DNAH5: variants seen among roughly 807,000 people sequenced by gnomAD.
DNAH5 encodes the protein axonemal beta dynein heavy chain 5.
DNAH5 carries 372 observed loss-of-function variants against 518.2 expected under a neutral mutation model. The ratio of observed to expected loss-of-function variants is 0.72; its 90% CI spans 0.66 to 0.78. The LOEUF (loss-of-function observed/expected upper bound fraction) is 0.78, where lower values mean the gene tolerates loss of function less well. Among genes scored for constraint, DNAH5 ranks in the 30% least tolerant of loss-of-function variants. DNAH5 has a pLI of 0.00. For synonymous variants in DNAH5, 2,039 were observed against 2,025.9 expected (o/e 1.01, Z -0.17); for missense variants, 5,523 against 5,687.0 (o/e 0.97, Z 0.93).
intron 68 of DNAH5, among the ~76,000 whole-genome samples, chr5:13,732,120 CA>C (rs34028417): frequency 0.038 from 4,753 of 124,814 alleles, 171 homozygotes; most frequent in African/African-American, 0.11. Flanking sequence ...ACTCTGTCTT[CA>C]AAAAAAAAAA....
intron 44 of DNAH5, among the ~76,000 whole-genome samples, chr5:13,811,170 T>C (rs1314433272): frequency 1.3e-5 from 2 of 152,190 alleles, no homozygotes; most frequent in Admixed American, 1.3e-4. Flanking sequence ...TTGTTGTGCA[T>C]TTTAGAGTAA....
Position 13,944,376 on chromosome 5 carries a change from CCTTACCGTT to C in DNAH5, c.54_57+5del. The C allele has an allele frequency of 1.2e-6, 2 of 1,613,722 alleles. No homozygotes were observed. The highest frequency in any genetic ancestry group is 1.7e-6 in the Non-Finnish European group (2 of 1,179,782). Reference sequence around the variant, plus strand: ...ACATGCAAAGGTACAGACAACAGCACCTTACCGTTAAAACTCGAGTGACGCTATGCTTCC... The same window carrying C: ...ACATGCAAAGGTACAGACAACAGCACAAAACTCGAGTGACGCTATGCTTCC... On this transcript the variant is annotated splice_donor_variant and splice_donor_5th_base_variant and coding_sequence_variant and intron_variant, in exon 1 of 79. Transcript: ENST00000265104. LOFTEE classifies it high-confidence loss of function.
At chr5:13,878,974 C>T (rs1360827825) in intron 21 of DNAH5, among the ~76,000 whole-genome samples, 1 of 152,202 alleles carries the variant, frequency 6.6e-6, no homozygotes, top group Non-Finnish European at 1.5e-5. Context: ...CTTAGGGGTA[C>T]TGACAGGACA....
chr5:13,976,026 A>C (rs1474003733), intron 1 of DNAH5, among the ~76,000 whole-genome samples: 1 of 151,932 alleles, frequency 6.6e-6, no homozygotes, highest in Non-Finnish European at 1.5e-5. Flanking sequence ...AAGACTCTGC[A>C]TCTAAAAAAA....
intron 51 of DNAH5, among the ~76,000 whole-genome samples, chr5:13,787,039 G>T (rs1402729371): frequency 6.6e-6 from 1 of 152,040 alleles, no homozygotes; most frequent in East Asian, 1.9e-4. Flanking sequence ...GACCAACATG[G>T]TGAAACCCCA....
chr5:13,888,201 A>T (rs1272667991), intron 17 of DNAH5, among the ~76,000 whole-genome samples: 1 of 152,182 alleles, frequency 6.6e-6, no homozygotes, highest in African/African-American at 2.4e-5. Flanking sequence ...CCACAACCTG[A>T]GTTCTGAATC....
intron 16 of DNAH5, among the ~76,000 whole-genome samples, chr5:13,892,784 T>G (rs981357483): frequency 1.3e-5 from 2 of 152,224 alleles, no homozygotes; most frequent in Non-Finnish European, 2.9e-5. Flanking sequence ...TTAGGAAATT[T>G]TAGCCAGTTT....
chr5:13,871,146 T>C (rs1477281505), intron 23 of DNAH5, 144 bp from the exon 24 acceptor site: 1 of 643,664 alleles, frequency 1.6e-6, no homozygotes, highest in Admixed American at 3.1e-5. Flanking sequence ...AAAATCATAA[T>C]TTTTCCTACT....
intron 57 of DNAH5, 102 bp downstream of exon 57, chr5:13,769,399 T>C (rs1053296720): frequency 2.9e-6 from 3 of 1,025,402 alleles, no homozygotes; most frequent in East Asian, 2.4e-5. Flanking sequence ...TGGAAGTTAA[T>C]GTATACTTCA....
intron 53 of DNAH5, among the ~76,000 whole-genome samples, 172 bp from the exon 54 acceptor site, chr5:13,777,527 C>G (rs1294879477): frequency 6.6e-6 from 1 of 152,134 alleles, no homozygotes; most frequent in Non-Finnish European, 1.5e-5. Context: ...ATCCACATTT[C>G]ATAAAACATT....
intron 30 of DNAH5, among the ~76,000 whole-genome samples, chr5:13,854,224 T>G (rs1767284151): frequency 6.6e-6 from 1 of 152,206 alleles, no homozygotes; most frequent in Non-Finnish European, 1.5e-5. Context: ...ATATTCAACA[T>G]TCTTAAAAGA....
At position 13,776,540 on chromosome 5, in the gene DNAH5, A is replaced by C. The variant is rs1473428074; in HGVS notation, c.9272T>G (p.Val3091Gly). Residue 3091 changes from valine to glycine, a missense_variant, in exon 55 of 79, where the codon GTG (valine) becomes GGG (glycine). Coordinates refer to ENST00000265104, the MANE Select transcript of DNAH5 (RefSeq NM_001369.3). ...AGCTCTGTTTCGAAATTTCTCCCCC[A>C]CTGGCGAGAAGCAGAGCACAATATG... ...NLHIVLCFSP[V>G]GEKFRNRALK... 1 of 1,613,784 alleles carries C rather than the reference A, an allele frequency of 6.2e-7. No individual in the cohort carries two copies. Among genetic ancestry groups the C allele is most frequent in the African/African-American group, 1.3e-5 (1 of 74,908 alleles).
chr5:13,979,185 T>G (rs900436243), intron 1 of DNAH5, among the ~76,000 whole-genome samples: 1 of 152,230 alleles, frequency 6.6e-6, no homozygotes. Flanking sequence ...CTCCCCTATA[T>G]GTACATATAC....
chr5:13,951,369 A>C (rs1265080867), intron 1 of DNAH5, among the ~76,000 whole-genome samples: 3 of 147,184 alleles, frequency 2.0e-5, no homozygotes, highest in Non-Finnish European at 4.5e-5. Context: ...GGTGTGCACC[A>C]CCAGATTCAG....
chr5:13,729,524 T>G lies in DNAH5; in HGVS notation c.11798A>C (p.Lys3933Thr), dbSNP rs1429410747. ...TATGTCCAGGATCCATTTTGATGGT[T>G]TTGGAGGACAAGCTTTAAGGTCTAA... ...ASLDLKACPP[K>T]PSKWILDITW... Residue 3933 changes from lysine (K) to threonine (T), a missense_variant, in exon 69 of 79, where the codon AAA becomes ACA. Coordinates refer to ENST00000265104, the MANE Select transcript of DNAH5 (RefSeq NM_001369.3). 6.2e-7 allele frequency: 1 copy of G among 1,613,924 alleles called. No homozygotes were observed. Among genetic ancestry groups the G allele is most frequent in the Admixed American group, 1.7e-5 (1 of 60,026 alleles).
At chr5:13,838,351 G>A (rs6867666) in intron 35 of DNAH5, among the ~76,000 whole-genome samples, 59,894 of 152,022 alleles carry the variant, frequency 0.39, 12,079 homozygotes, top group East Asian at 0.61. Flanking sequence ...CAGGAGGTGG[G>A]CGGCGGGCAA....
chr5:13,903,998 T>C (rs1561541175), intron 12 of DNAH5, among the ~76,000 whole-genome samples: 1 of 152,090 alleles, frequency 6.6e-6, no homozygotes. Flanking sequence ...TTGAAAAGTT[T>C]AGCAGCAAAG....
intron 28 of DNAH5, 47 bp downstream of exon 28, chr5:13,864,350 A>T (rs532939015): frequency 1.2e-6 from 2 of 1,610,368 alleles, no homozygotes; most frequent in South Asian, 2.2e-5. Flanking sequence ...AATGTTATCA[A>T]ATAAATCCCA....
At chr5:13,946,495 C>G (rs143943119), upstream of DNAH5, among the ~76,000 whole-genome samples, 2,249 of 152,276 alleles carry the variant, frequency 0.015, 60 homozygotes, top group African/African-American at 0.051. Flanking sequence ...CCACCTACCC[C>G]CGCCAGCCCC....
Sources: gnomAD v4.1 joint callset for allele counts (sites outside exome capture counted in the v4.1 genomes callset) on GRCh38, gnomAD v4.1.1 for gene constraint, MANE v1.5 for transcripts, NCBI Gene and HGNC (gene_info 2026-07-23, HGNC 2026-07-21) for gene names.